AP3D1: variants seen among roughly 807,000 people sequenced by gnomAD.
The protein encoded by AP3D1 is AP-3 complex subunit delta-1.
AP3D1 carries 51 observed loss-of-function variants against 147.6 expected under a neutral mutation model. That is an observed-to-expected ratio of 0.35 (90% CI 0.28 to 0.44). The LOEUF (loss-of-function observed/expected upper bound fraction) is 0.44, where lower values mean the gene tolerates loss of function less well. Among genes scored for constraint, AP3D1 ranks in the 20% least tolerant of loss-of-function variants. The pLI is 1.00. For synonymous variants in AP3D1, 760 were observed against 663.0 expected (o/e 1.15, Z -2.25); for missense variants, 1,421 against 1,624.2 (o/e 0.87, Z 2.15).
At chr19:2,146,475 C>T (rs1242368925) in intron 1 of AP3D1, among the ~76,000 whole-genome samples, 2 of 151,888 alleles carry the variant, frequency 1.3e-5, no homozygotes, top group Non-Finnish European at 2.9e-5. Flanking sequence ...GTGATGGCGG[C>T]CACCTGTAAT....
chr19:2,112,895 C>A lies in AP3D1; in HGVS notation c.2752G>T (p.Glu918Ter). The change falls in exon 24 of 32, where the codon GAG (glutamate) becomes TAG (stop). Residue 918 changes from glutamate to a stop codon, truncating the protein, a stop_gained. Coordinates refer to ENST00000643116, the MANE Select transcript of AP3D1 (RefSeq NM_001261826.3). LOFTEE classifies it high-confidence loss of function. ...CEDAKTEAQG[E>*]EDDAEGQDQD... Reference sequence around the variant, plus strand: ...TCTTGCCCCTCGGCATCGTCCTCCTCGCCCTGCGCCTCCGTCTTGGCGTCC... The same window carrying A: ...TCTTGCCCCTCGGCATCGTCCTCCTAGCCCTGCGCCTCCGTCTTGGCGTCC... 6.2e-7 allele frequency: 1 copy of A among 1,613,270 alleles called. No individual in the cohort carries two copies. The highest frequency in any genetic ancestry group is 8.5e-7 in the Non-Finnish European group (1 of 1,179,666).
chr19:2,126,028 G>T (rs562332409), intron 9 of AP3D1, among the ~76,000 whole-genome samples: 2 of 152,128 alleles, frequency 1.3e-5, no homozygotes, highest in South Asian at 4.1e-4. Context: ...TGCGCCTGTA[G>T]AAGCAAGAGG....
intron 1 of AP3D1, among the ~76,000 whole-genome samples, chr19:2,139,692 G>A (rs2019169653): frequency 7.2e-6 from 1 of 139,524 alleles, no homozygotes; most frequent in Non-Finnish European, 1.7e-5. Context: ...CTAATGCACA[G>A]GAGCCCCTCT....
Position 2,116,699 on chromosome 19 carries a change from G to C in AP3D1, c.1907C>G (p.Ser636Ter). The C allele has an allele frequency of 6.2e-7, 1 of 1,611,446 alleles. No homozygotes were observed. Among genetic ancestry groups the C allele is most frequent in the Non-Finnish European group, 8.5e-7 (1 of 1,179,096 alleles). Reference protein sequence around the residue: ...WINEPLSDSESEDERPRAVFH... With the variant: ...WINEPLSDSE ...GACGGCCCTGGGCCTCTCGTCCTCT[G>C]ACTCGCTGTCCGAGAGTGGCTCATT... Residue 636 changes from serine to a stop codon, truncating the protein, a stop_gained, in exon 17 of 32, where the codon TCA becomes TGA. Coordinates refer to ENST00000643116, the MANE Select transcript of AP3D1 (RefSeq NM_001261826.3). LOFTEE classifies it high-confidence loss of function.
intron 31 of AP3D1, among the ~76,000 whole-genome samples, chr19:2,104,349 C>T (rs553409915): frequency 3.7e-5 from 5 of 134,526 alleles, no homozygotes; most frequent in African/African-American, 1.3e-4. Flanking sequence ...GAGACCGCAA[C>T]ACTGAGACGC....
chr19:2,116,845 T>C (rs2018470274), intron 16 of AP3D1, 99 bp from the exon 17 acceptor site: 1 of 1,422,182 alleles, frequency 7.0e-7, no homozygotes, highest in Admixed American at 2.8e-5. Flanking sequence ...GGCCATGTGA[T>C]ATCCCAAACA....
chr19:2,111,494 C>T, intron 25 of AP3D1, 162 bp from the exon 26 acceptor site: 1 of 1,199,024 alleles, frequency 8.3e-7, no homozygotes, highest in Non-Finnish European at 1.2e-6. Context: ...CCCAGGACCA[C>T]ACAGCCCACC....
intron 14 of AP3D1, among the ~76,000 whole-genome samples, chr19:2,119,495 C>T (rs1448158311): frequency 6.6e-6 from 1 of 152,044 alleles, no homozygotes; most frequent in Non-Finnish European, 1.5e-5. Flanking sequence ...AGATCGAGAC[C>T]ATCCTGGCTA....
intron 29 of AP3D1, 25 bp from the exon 30 acceptor site, chr19:2,109,232 C>G (rs747994117): frequency 6.4e-7 from 1 of 1,557,894 alleles, no homozygotes; most frequent in Non-Finnish European, 8.7e-7. Context: ...GGGAGGCTGA[C>G]TGCGGTGGGG....
intron 1 of AP3D1, among the ~76,000 whole-genome samples, chr19:2,146,320 C>A (rs745451648): frequency 6.6e-6 from 1 of 152,128 alleles, no homozygotes; most frequent in African/African-American, 2.4e-5. Context: ...ATTAGCTGTA[C>A]AGGCCGGGCA....
chr19:2,138,387 T>TC (rs1363019225), intron 2 of AP3D1, among the ~76,000 whole-genome samples: 2 of 152,118 alleles, frequency 1.3e-5, no homozygotes, highest in Non-Finnish European at 2.9e-5. Flanking sequence ...CCCATGGGGC[T>TC]CCCTCAGGGC....
In AP3D1 at chr19:2,114,127, T is replaced by C. The variant is rs774603307; in HGVS notation, c.2599A>G (p.Lys867Glu). The C allele has an allele frequency of 1.3e-6, 2 of 1,552,284 alleles. No individual in the cohort carries two copies. The highest frequency in any genetic ancestry group is 2.4e-5 in the East Asian group (1 of 41,432). ...GCCGCCCTGGGCACTAGCCTTACCT[T>C]CTTCTCCTTCTCCTTCTTCTTCTCC... ...DKEKKKEKEK[K>E]AEDLDFWLST... Residue 867 changes from lysine (K) to glutamate (E), a missense_variant and splice_region_variant, in exon 22 of 32, where the codon AAG (lysine) becomes GAG (glutamate). Lys to Glu is a moderately conservative substitution (Grantham distance 56, BLOSUM62 1). Coordinates refer to ENST00000643116, the MANE Select transcript of AP3D1 (RefSeq NM_001261826.3).
rs1486798593 is a variant in AP3D1 at position 2,132,513 on chromosome 19, G to A, written c.420C>T (p.Thr140=). ...VALTGLSCFV[T]PDLARDLAND... is the part of the protein sequence containing the mutation. ...TTGCCAGGTCTCTGGCAAGGTCTGG[G>A]GTGACGAAGCAGGACAGACCCGTCA... Residue 140 remains threonine, a synonymous_variant, in exon 5 of 32, where the codon ACC becomes ACT. Coordinates refer to ENST00000643116, the MANE Select transcript of AP3D1 (RefSeq NM_001261826.3). The A allele has an allele frequency of 6.8e-6, 11 of 1,611,538 alleles. No individual in the cohort carries two copies. In the East Asian group the frequency reaches 2.0e-4, roughly 29 times the overall value.
At position 2,132,621 on chromosome 19, in the gene AP3D1, T is replaced by C. The variant is rs778439052; in HGVS notation, c.355-43A>G. 2.6e-6 allele frequency: 4 copies of C among 1,559,846 alleles called. No individual in the cohort carries two copies. The South Asian group carries it at 4.5e-5, about 17-fold the overall frequency. On this transcript the variant is annotated intron_variant, in intron 4 of 31. Transcript: ENST00000643116. The stretch of plus-strand genomic sequence containing the variant: ...GGGGCCGTGGCCAGGATGCCCTGGG[T>C]GGCACATCCGACGCCTGGGTCACCA...
chr19:2,161,703 C>T (rs1372690447), intron 1 of AP3D1, among the ~76,000 whole-genome samples: 4 of 151,956 alleles, frequency 2.6e-5, no homozygotes, highest in Non-Finnish European at 5.9e-5. Flanking sequence ...AATCCCAGCA[C>T]TTAGGAAGGC....
intron 4 of AP3D1, among the ~76,000 whole-genome samples, chr19:2,134,251 C>G (rs1477302411): frequency 3.3e-5 from 5 of 151,898 alleles, no homozygotes; most frequent in Non-Finnish European, 7.4e-5. Context: ...CTCCCTGCCT[C>G]TACAAAAAAT....
Position 2,121,216 on chromosome 19 carries a change from C to G in AP3D1, c.1197G>C (p.Lys399Asn), listed in dbSNP as rs186810054. Reference protein sequence around the residue: ...GTTYRDELLTKIIDICSQSNY... With the variant: ...GTTYRDELLTNIIDICSQSNY... Reference sequence around the variant, plus strand: ...TGGACTGGCTGCAGATGTCAATGATCTTGGTGAGCAGCTCGTCACGGTAGG... The same window carrying G: ...TGGACTGGCTGCAGATGTCAATGATGTTGGTGAGCAGCTCGTCACGGTAGG... The change falls in exon 13 of 32, where the codon AAG (lysine) becomes AAC (asparagine). Residue 399 changes from lysine (K) to asparagine (N), a missense_variant. Lys to Asn is a moderately conservative substitution (Grantham distance 94). Around this residue, in one of 6 missense-constraint regions of AP3D1, gnomAD observed 310 missense variants for 388.1 expected, o/e 0.80. Transcript: ENST00000643116. 6.2e-7 allele frequency: 1 copy of G among 1,614,200 alleles called. No homozygotes were observed. Among genetic ancestry groups the G allele is most frequent in the Non-Finnish European group, 8.5e-7 (1 of 1,180,022 alleles).
rs762156883 is a variant in AP3D1 at position 2,120,915 on chromosome 19, G to A, written c.1428C>T (p.Asn476=). Residue 476 remains asparagine, a synonymous_variant, in exon 14 of 32, where the codon AAC becomes AAT. Transcript: ENST00000643116. The part of the protein sequence containing the change: ...AHLLASSTQR[N]GICEVLYAAA... The stretch of plus-strand genomic sequence containing the variant: ...CAGCGTACAGCACCTCACAGATCCC[G>A]TTCCGCTGGGTGCTGCTGGCCAGCA... The A allele has an allele frequency of 3.4e-5, 54 of 1,611,302 alleles. No individual in the cohort carries two copies. The highest frequency in any genetic ancestry group is 1.2e-4 in the South Asian group (11 of 91,094).
At chr19:2,161,266 A>C (rs2019695946) in intron 1 of AP3D1, among the ~76,000 whole-genome samples, 1 of 147,416 alleles carries the variant, frequency 6.8e-6, no homozygotes. Flanking sequence ...GGTTCAAGCC[A>C]TTCTGTTGCC....
Sources: gnomAD v4.1 joint callset for allele counts (sites outside exome capture counted in the v4.1 genomes callset) on GRCh38, gnomAD v4.1.1 for gene constraint, gnomAD v4.1.1 regional missense constraint, MANE v1.5 for transcripts, NCBI Gene and HGNC (gene_info 2026-07-23, HGNC 2026-07-21) for gene names.